Variants in SLC22A23 observed in about 807,000 individuals in gnomAD.
SLC22A23 encodes the protein ion transporter protein.
A neutral mutation model predicts 61.0 loss-of-function variants in SLC22A23; 26 were observed. The observed-to-expected ratio is 0.43, with a 90% confidence interval of 0.31 to 0.59. The LOEUF (loss-of-function observed/expected upper bound fraction) is 0.59, where lower values mean the gene tolerates loss of function less well. Ranked by LOEUF, SLC22A23 falls within the 20% of genes least tolerant of loss-of-function variation. SLC22A23 has a pLI of 0.11. For synonymous variants in SLC22A23, 430 were observed against 413.9 expected (o/e 1.04, Z -0.47); for missense variants, 796 against 934.7 (o/e 0.85, Z 1.94).
chr6:3,280,980 G>C (rs1409809247), intron 9 of SLC22A23, among the ~76,000 whole-genome samples: 1 of 152,158 alleles, frequency 6.6e-6, no homozygotes, highest in African/African-American at 2.4e-5. Context: ...GGCCAGGGCT[G>C]CCGGAGTGGG....
chr6:3,380,201 G>A (rs1766869398), intron 3 of SLC22A23, among the ~76,000 whole-genome samples: 1 of 152,186 alleles, frequency 6.6e-6, no homozygotes, highest in South Asian at 2.1e-4. Flanking sequence ...TCAACAAGGT[G>A]AGCAGGCTTT....
chr6:3,381,878 T>G (rs939296652), intron 3 of SLC22A23, among the ~76,000 whole-genome samples: 2 of 152,176 alleles, frequency 1.3e-5, no homozygotes, highest in Non-Finnish European at 2.9e-5. Flanking sequence ...ACAATGATTT[T>G]GTGAGACAGG....
At chr6:3,284,968 G>A in intron 8 of SLC22A23, 111 bp downstream of exon 8, 1 of 1,551,654 alleles carries the variant, frequency 6.4e-7, no homozygotes. Context: ...TTCTTGGAGG[G>A]CAACGGGGAG....
At chr6:3,295,178 G>C (rs1177225798) in intron 5 of SLC22A23, among the ~76,000 whole-genome samples, 1 of 152,242 alleles carries the variant, frequency 6.6e-6, no homozygotes, top group African/African-American at 2.4e-5. Flanking sequence ...GGGGTGACAG[G>C]CAGTAATAAG....
intron 1 of SLC22A23, among the ~76,000 whole-genome samples, chr6:3,432,898 C>T (rs938360837): frequency 9.9e-5 from 15 of 152,276 alleles, no homozygotes; most frequent in Admixed American, 7.8e-4. Flanking sequence ...CCAGTGGCCT[C>T]CGGAACCTTG....
At chr6:3,413,752 T>C (rs924862208) in intron 2 of SLC22A23, among the ~76,000 whole-genome samples, 1 of 152,174 alleles carries the variant, frequency 6.6e-6, no homozygotes, top group Non-Finnish European at 1.5e-5. Flanking sequence ...AGGTCTGGAG[T>C]TCCCTTTAAA....
At chr6:3,339,197 C>T (rs1036880911) in intron 3 of SLC22A23, among the ~76,000 whole-genome samples, 2 of 152,250 alleles carry the variant, frequency 1.3e-5, no homozygotes, top group Admixed American at 6.5e-5. Flanking sequence ...AACTCCTCTT[C>T]CAACTTTAAT....
intron 1 of SLC22A23, among the ~76,000 whole-genome samples, chr6:3,435,695 G>T (rs1190797873): frequency 6.6e-6 from 1 of 152,220 alleles, no homozygotes; most frequent in Non-Finnish European, 1.5e-5. Context: ...CCCTGGGCAG[G>T]TTGAAGTGTG....
chr6:3,294,695 C>T (rs990409573), intron 5 of SLC22A23, among the ~76,000 whole-genome samples: 1 of 152,150 alleles, frequency 6.6e-6, no homozygotes, highest in Non-Finnish European at 1.5e-5. Flanking sequence ...GTGCTCTCAG[C>T]AGTTGGGCAC....
rs558106271 is a variant in SLC22A23, at chr6:3,302,460, T to C, written c.1083-4242A>G. ...ATTGCTTTGATCTTTATTATTTCTTTCCTTCTACTACTTTTAAGTTTGGCT... is the reference window on the plus strand; with the variant it reads ...ATTGCTTTGATCTTTATTATTTCTTCCCTTCTACTACTTTTAAGTTTGGCT... On this transcript the variant is annotated intron_variant, in intron 4 of 9. Transcript: ENST00000406686. Among the ~76,000 whole-genome samples the C allele has an allele frequency of 2.0e-5, 3 of 152,304 alleles. No homozygotes were observed. In the East Asian group the frequency reaches 5.8e-4, roughly 29 times the overall value.
chr6:3,440,484 G>T (rs1210767682), intron 1 of SLC22A23, among the ~76,000 whole-genome samples: 3 of 151,994 alleles, frequency 2.0e-5, no homozygotes, highest in Non-Finnish European at 4.4e-5. Flanking sequence ...GAGGCAGGTG[G>T]ATCATGAGGT....
chr6:3,445,437 G>T (rs9502005), intron 1 of SLC22A23, among the ~76,000 whole-genome samples: 1 of 152,026 alleles, frequency 6.6e-6, no homozygotes, highest in African/African-American at 2.4e-5. Context: ...TGACCTCAGG[G>T]GATCCACCTG....
At chr6:3,392,156 G>A (rs1242702824) in intron 3 of SLC22A23, among the ~76,000 whole-genome samples, 1 of 152,214 alleles carries the variant, frequency 6.6e-6, no homozygotes. Context: ...GTGTGGATAG[G>A]TTGCTGAGAT....
chr6:3,292,338 G>C (rs1488315086), intron 5 of SLC22A23, among the ~76,000 whole-genome samples: 1 of 152,174 alleles, frequency 6.6e-6, no homozygotes, highest in African/African-American at 2.4e-5. Context: ...AATCCAAGAG[G>C]CCTTTTTGTC....
chr6:3,296,931 C>T (rs530470895), intron 5 of SLC22A23, among the ~76,000 whole-genome samples: 14 of 152,348 alleles, frequency 9.2e-5, no homozygotes, highest in East Asian at 1.9e-4. Flanking sequence ...CCCTTCCCAT[C>T]GTAAATGGAT....
At chr6:3,281,432 G>T (rs1373827097) in intron 9 of SLC22A23, among the ~76,000 whole-genome samples, 1 of 152,192 alleles carries the variant, frequency 6.6e-6, no homozygotes, top group Admixed American at 6.5e-5. Context: ...TTTTGTGGTG[G>T]AACAAGTATG....
At chr6:3,323,673 T>C in intron 4 of SLC22A23, 161 bp downstream of exon 4, 1 of 827,220 alleles carries the variant, frequency 1.2e-6, no homozygotes, top group Non-Finnish European at 1.9e-6. Flanking sequence ...ACAGAAAGTT[T>C]AAACAATAAA....
chr6:3,300,796 C>T (rs1761545959), intron 4 of SLC22A23, among the ~76,000 whole-genome samples: 1 of 152,148 alleles, frequency 6.6e-6, no homozygotes, highest in Admixed American at 6.6e-5. Flanking sequence ...TGAAGTTGTT[C>T]CCACTGAATT....
rs74605710 is a variant in SLC22A23 at position 3,333,387 on chromosome 6, T to C, written c.914-9385A>G. Among the ~76,000 whole-genome samples, 2,146 of 151,958 alleles carry C rather than the reference T, an allele frequency of 0.014. 31 individuals carry two copies. The highest frequency in any genetic ancestry group is 0.041 in the Middle Eastern group (12 of 294). On this transcript the variant is annotated intron_variant, in intron 3 of 9. Transcript: ENST00000406686. This position sits in a 1 kb window ranked among gnomAD's most constrained non-coding sequence, Gnocchi z 4.1. ...CCAAGGGCTCCTGTTCCACTCAGAG[T>C]GAAAGCAAAGTCTTTCACAGTGACC...
Sources: allele counts gnomAD v4.1 joint callset (sites outside exome capture counted in the v4.1 genomes callset), GRCh38; gene constraint gnomAD v4.1.1; non-coding constraint Gnocchi (gnomAD v3.1); transcripts MANE v1.5; gene names NCBI Gene and HGNC (gene_info 2026-07-23, HGNC 2026-07-21).